The following MAST4 variants were observed in gnomAD, a reference collection of about 807,000 sequenced individuals.
The protein encoded by MAST4 is microtubule associated serine/threonine kinase family member 4.
Under a neutral mutation model 162.7 loss-of-function variants are expected in MAST4, and 89 were observed. That is an observed-to-expected ratio of 0.55 (90% confidence interval 0.46 to 0.65). The LOEUF (loss-of-function observed/expected upper bound fraction) is 0.65, where lower values mean the gene tolerates loss of function less well. MAST4 is among the 30% of genes least tolerant of loss of function. The pLI, the probability that MAST4 is intolerant of heterozygous loss-of-function variation, is 0.00. For synonymous variants in MAST4, 1,479 were observed against 1,361.1 expected, an observed-to-expected ratio of 1.09 and a Z score of -1.91; for missense variants, 3,153 against 3,374.0, an observed-to-expected ratio of 0.93 and a Z score of 1.62.
chr5:66,722,305 A>C (rs1376965451), intron 1 of MAST4, among the ~76,000 whole-genome samples: 1 of 151,914 alleles, frequency 6.6e-6, no homozygotes, highest in Non-Finnish European at 1.5e-5. Flanking sequence ...GGCTATTTTG[A>C]GCCTCTGTGT....
intron 6 of MAST4, among the ~76,000 whole-genome samples, chr5:67,091,720 A>G (rs1486158761): frequency 6.6e-6 from 1 of 152,162 alleles, no homozygotes; most frequent in African/African-American, 2.4e-5. Context: ...ATCCTGGCAG[A>G]TTTATAAAAA....
intron 5 of MAST4, among the ~76,000 whole-genome samples, chr5:67,071,928 C>T (rs930025400): frequency 2.0e-5 from 3 of 149,690 alleles, no homozygotes; most frequent in African/African-American, 7.7e-5. Context: ...AGATCTAGAA[C>T]TCATTAAGAT....
At chr5:66,636,706 C>T (rs1482208728) in intron 1 of MAST4, among the ~76,000 whole-genome samples, 5 of 152,022 alleles carry the variant, frequency 3.3e-5, no homozygotes, top group Admixed American at 2.0e-4. Flanking sequence ...TCCTGTGTTG[C>T]GTGTTTTCTA....
intron 1 of MAST4, among the ~76,000 whole-genome samples, chr5:66,704,601 C>T (rs912571452): frequency 4.1e-5 from 6 of 147,674 alleles, no homozygotes; most frequent in Admixed American, 6.9e-5. Context: ...CCCGGGTTCA[C>T]GCCATTCTCC....
intron 1 of MAST4, among the ~76,000 whole-genome samples, chr5:66,637,384 G>T (rs1372686757): frequency 6.6e-6 from 1 of 151,824 alleles, no homozygotes; most frequent in African/African-American, 2.4e-5. Flanking sequence ...TAAAATGTTG[G>T]ATATGTATTG....
intron 1 of MAST4, among the ~76,000 whole-genome samples, chr5:66,709,075 T>A (rs1353761517): frequency 1.3e-5 from 2 of 152,190 alleles, no homozygotes; most frequent in Non-Finnish European, 2.9e-5. Context: ...CTGAAATATT[T>A]TTTTGCAGGT....
chr5:67,119,550 G>T (rs190007687), intron 13 of MAST4, among the ~76,000 whole-genome samples: 1 of 152,118 alleles, frequency 6.6e-6, no homozygotes, highest in Non-Finnish European at 1.5e-5. Flanking sequence ...AAATTTCTCT[G>T]TGCCTCGGTT....
At position 67,163,100 on chromosome 5, in the gene MAST4, G is replaced by C. The variant is rs765059144; in HGVS notation, c.3968-47G>C. The stretch of plus-strand genomic sequence containing the variant: ...TCTGGGCTACAACTGTGAAAAAAAG[G>C]GGAAAATGACCATGGATGCTCACAG... On this transcript the variant is annotated intron_variant, in intron 28 of 28. Transcript: ENST00000403625. The surrounding 1 kb of genome is among the most constrained non-coding windows in gnomAD (Gnocchi z 7.0). The C allele has an allele frequency of 6.4e-7, 1 of 1,552,668 alleles. No individual in the cohort carries two copies. Among genetic ancestry groups the C allele is most frequent in the Non-Finnish European group, 8.8e-7 (1 of 1,142,792 alleles).
At chr5:67,130,467 A>G in intron 15 of MAST4, 49 bp downstream of exon 15, 1 of 1,584,074 alleles carries the variant, frequency 6.3e-7, no homozygotes, top group South Asian at 1.1e-5. Context: ...TCCCTTGCTC[A>G]TTTGTGTTGT....
At chr5:66,914,610 A>G (rs116444391) in intron 4 of MAST4, among the ~76,000 whole-genome samples, 197 of 152,280 alleles carry the variant, frequency 1.3e-3, no homozygotes, top group African/African-American at 4.5e-3. Context: ...CCACGGGTCC[A>G]AAATGTTGTG....
intron 4 of MAST4, among the ~76,000 whole-genome samples, chr5:67,008,477 A>G (rs1180713555): frequency 1.3e-5 from 2 of 152,234 alleles, no homozygotes; most frequent in Admixed American, 1.3e-4. Flanking sequence ...AAGGGCTACA[A>G]TTGATTTCTA....
chr5:66,655,285 A>C (rs554908574), intron 1 of MAST4, among the ~76,000 whole-genome samples: 1 of 152,308 alleles, frequency 6.6e-6, no homozygotes, highest in African/African-American at 2.4e-5. Flanking sequence ...ATAGATGAAT[A>C]AGTTTAAGCA....
chr5:67,084,091 G>C (rs1205433132), intron 5 of MAST4, among the ~76,000 whole-genome samples: 1 of 152,182 alleles, frequency 6.6e-6, no homozygotes, highest in Non-Finnish European at 1.5e-5. Context: ...CAGAGAAACA[G>C]CTTCATGAAA....
At chr5:66,983,124 C>T (rs1388304138) in intron 4 of MAST4, among the ~76,000 whole-genome samples, 1 of 152,200 alleles carries the variant, frequency 6.6e-6, no homozygotes, top group Non-Finnish European at 1.5e-5. Flanking sequence ...CAACCCTTTG[C>T]TGCCACTGAG....
intron 4 of MAST4, among the ~76,000 whole-genome samples, chr5:67,018,132 A>G (rs1753537103): frequency 6.6e-6 from 1 of 152,206 alleles, no homozygotes; most frequent in African/African-American, 2.4e-5. Flanking sequence ...TGATTAACAC[A>G]TAGTTAGATT....
At chr5:66,634,418 C>A (rs866157172) in intron 1 of MAST4, among the ~76,000 whole-genome samples, 1 of 152,138 alleles carries the variant, frequency 6.6e-6, no homozygotes, top group African/African-American at 2.4e-5. Flanking sequence ...TTCTTCTTCA[C>A]GTTGTCCATG....
At chr5:66,602,060 A>T (rs113953800) in intron 1 of MAST4, among the ~76,000 whole-genome samples, 1 of 152,254 alleles carries the variant, frequency 6.6e-6, no homozygotes, top group East Asian at 1.9e-4. Context: ...ATGAAAATAC[A>T]TACATATGAA....
chr5:67,138,413 TG>T (rs1375660098), intron 19 of MAST4, among the ~76,000 whole-genome samples: 1 of 152,096 alleles, frequency 6.6e-6, no homozygotes, highest in African/African-American at 2.4e-5. Flanking sequence ...GTTTGGTTTT[TG>T]GTTGGTGGGT....
intron 6 of MAST4, among the ~76,000 whole-genome samples, chr5:67,093,959 TTAA>T (rs1317764561): frequency 2.0e-5 from 3 of 152,220 alleles, no homozygotes; most frequent in Non-Finnish European, 4.4e-5. Flanking sequence ...CAGTGTCCAT[TTAA>T]TAATCAAGTA....
Sources: allele counts gnomAD v4.1 joint callset (sites outside exome capture counted in the v4.1 genomes callset), GRCh38; gene constraint gnomAD v4.1.1; non-coding constraint Gnocchi (gnomAD v3.1); transcripts MANE v1.5; gene names NCBI Gene and HGNC (gene_info 2026-07-23, HGNC 2026-07-21).